The following CABLES1 variants were observed in gnomAD, a reference collection of about 807,000 sequenced individuals.
CABLES1 encodes CDK5 and ABL1 enzyme substrate 1.
CABLES1 carries 36 observed loss-of-function variants against 57.8 expected under a neutral mutation model. The ratio of observed to expected loss-of-function variants is 0.62; its 90% confidence interval spans 0.48 to 0.82. The LOEUF (loss-of-function observed/expected upper bound fraction) is 0.82. CABLES1 is among the 40% of genes least tolerant of loss of function. The pLI is 0.00. For missense variants in CABLES1, 767 were observed against 836.6 expected (o/e 0.92, Z 1.03); for synonymous variants, 374 against 363.0 (o/e 1.03, Z -0.35).
At chr18:23,210,838 C>A (rs997308145) in intron 3 of CABLES1, among the ~76,000 whole-genome samples, 2 of 152,022 alleles carry the variant, frequency 1.3e-5, no homozygotes, top group Non-Finnish European at 2.9e-5. Flanking sequence ...TCCTCTGGCC[C>A]CTGCAGAAAC....
At chr18:23,232,041 A>T (rs1347599110) in intron 4 of CABLES1, among the ~76,000 whole-genome samples, 1 of 152,218 alleles carries the variant, frequency 6.6e-6, no homozygotes, top group African/African-American at 2.4e-5. Flanking sequence ...GAGCCACACT[A>T]GCTCAGCTCA....
intron 2 of CABLES1, chr18:23,190,467 G>A (rs1363177547): frequency 6.6e-6 from 1 of 152,248 alleles, no homozygotes; most frequent in Non-Finnish European, 1.5e-5. Flanking sequence ...AGGCAGGGCT[G>A]TTGAGCCTCG....
intron 7 of CABLES1, among the ~76,000 whole-genome samples, chr18:23,252,378 T>A (rs1024222545): frequency 3.3e-5 from 5 of 152,202 alleles, no homozygotes; most frequent in African/African-American, 1.2e-4. Flanking sequence ...GTATGTGATG[T>A]GTATTTTACC....
At position 23,228,746 on chromosome 18, in the gene CABLES1, T is replaced by TAA. The variant is rs572362933; in HGVS notation, c.1089-5844_1089-5843dup. ...CCAGTTTTAAATGTCAGCCTTTGTT[T>TAA]AAAAAAAAAAAAAAAAAAAGTATAT... On this transcript the variant is annotated intron_variant, in intron 4 of 9. Transcript: ENST00000256925. 5.8e-3 allele frequency among the ~76,000 whole-genome samples: 726 copies of TAA among 125,696 alleles called. 6 individuals carry two copies. The highest frequency in any genetic ancestry group is 0.019 in the African/African-American group (609 of 32,892). The allele number at this position is 125,696 out of a possible 152,430, so 82.5% of individuals were successfully genotyped here. A position where few individuals can be genotyped will look rare whatever the true frequency, so the allele number is the denominator to read the frequency against.
intron 3 of CABLES1, 54 bp from the exon 4 acceptor site, chr18:23,213,923 T>C: frequency 7.8e-7 from 1 of 1,280,566 alleles, no homozygotes; most frequent in African/African-American, 1.5e-5. Context: ...TGTTTTTTAG[T>C]TTGATTCTTT....
At chr18:23,224,730 G>A (rs1159559859) in intron 4 of CABLES1, among the ~76,000 whole-genome samples, 3 of 151,508 alleles carry the variant, frequency 2.0e-5, no homozygotes, top group African/African-American at 4.9e-5. Context: ...CACTACACCC[G>A]GCTAATTTTT....
intron 2 of CABLES1, among the ~76,000 whole-genome samples, chr18:23,190,787 A>T (rs895028630): frequency 6.6e-6 from 1 of 152,160 alleles, no homozygotes; most frequent in Non-Finnish European, 1.5e-5. Flanking sequence ...GATTTAAAAA[A>T]GTTCTCAGCC....
At chr18:23,217,885 G>C (rs2047453717) in intron 4 of CABLES1, among the ~76,000 whole-genome samples, 1 of 152,260 alleles carries the variant, frequency 6.6e-6, no homozygotes, top group Admixed American at 6.5e-5. Flanking sequence ...CTGAGGCACA[G>C]TGGGGCGAAG....
At chr18:23,137,787 G>A (rs545937777) in intron 1 of CABLES1, among the ~76,000 whole-genome samples, 1 of 152,318 alleles carries the variant, frequency 6.6e-6, no homozygotes, top group Admixed American at 6.5e-5. Context: ...AAATCATGAG[G>A]GTGCTAGTTA....
At chr18:23,185,591 CA>C (rs2047197157) in intron 1 of CABLES1, among the ~76,000 whole-genome samples, 1 of 152,136 alleles carries the variant, frequency 6.6e-6, no homozygotes, top group Non-Finnish European at 1.5e-5. Context: ...AGAGCCCACC[CA>C]GGGCCTCCCC....
chr18:23,138,664 T>C (rs948683174), intron 1 of CABLES1, among the ~76,000 whole-genome samples: 1 of 152,238 alleles, frequency 6.6e-6, no homozygotes, highest in African/African-American at 2.4e-5. Flanking sequence ...CTAGTTGAAG[T>C]GTGCTGAGAG....
intron 9 of CABLES1, among the ~76,000 whole-genome samples, chr18:23,255,986 T>C (rs1211294046): frequency 6.6e-6 from 1 of 152,224 alleles, no homozygotes; most frequent in African/African-American, 2.4e-5. Flanking sequence ...GGTGCCTCTA[T>C]CACCTGAACT....
rs1406428589 is a variant in CABLES1, at chr18:23,258,052, A to C, written c.*685A>C. On this transcript the variant is annotated 3_prime_UTR_variant, in exon 10 of 10. Coordinates refer to ENST00000256925, the MANE Select transcript of CABLES1 (RefSeq NM_001100619.3). ...GGTACCAGACAGTTTGACATCCTCC[A>C]CCCTTAGAAAATGACTGACATTGTT... The C allele has an allele frequency of 6.6e-6, 1 of 152,070 alleles. No individual in the cohort carries two copies. Among genetic ancestry groups the C allele is most frequent in the East Asian group, 1.9e-4 (1 of 5,174 alleles). 9.4% of individuals were successfully genotyped at this position (152,070 alleles called of 1,614,324 possible).
intron 4 of CABLES1, among the ~76,000 whole-genome samples, chr18:23,231,363 C>T (rs888589404): frequency 1.3e-5 from 2 of 152,198 alleles, no homozygotes; most frequent in African/African-American, 4.8e-5. Context: ...ACGTAACCAT[C>T]GTATGGAACA....
chr18:23,243,743 G>A (rs1009423041), intron 7 of CABLES1, among the ~76,000 whole-genome samples: 1 of 151,674 alleles, frequency 6.6e-6, no homozygotes, highest in African/African-American at 2.4e-5. Context: ...GTGGTGGCAG[G>A]TGCCTGTAAT....
At chr18:23,214,208 ACTTT>A (rs758930339) in intron 4 of CABLES1, 154 bp downstream of exon 4, 2 of 575,462 alleles carry the variant, frequency 3.5e-6, no homozygotes, top group Non-Finnish European at 6.1e-6. Context: ...AAGATGTTCC[ACTTT>A]CTTTTCAGCC....
At chr18:23,188,171 A>G (rs536005444) in intron 1 of CABLES1, among the ~76,000 whole-genome samples, 2 of 152,338 alleles carry the variant, frequency 1.3e-5, no homozygotes, top group East Asian at 3.9e-4. Context: ...TCAGCCTAGC[A>G]AAAGAAACTG....
chr18:23,177,109 C>T (rs988926084), intron 1 of CABLES1, among the ~76,000 whole-genome samples: 2 of 152,064 alleles, frequency 1.3e-5, no homozygotes, highest in African/African-American at 2.4e-5. Context: ...GTCTTGTGTT[C>T]GAAGGAAAAA....
intron 4 of CABLES1, among the ~76,000 whole-genome samples, chr18:23,228,746 TA>T (rs572362933): frequency 0.048 from 6,067 of 125,692 alleles, 239 homozygotes; most frequent in East Asian, 0.13. Context: ...AGCCTTTGTT[TA>T]AAAAAAAAAA....
Sources: allele counts gnomAD v4.1 joint callset (sites outside exome capture counted in the v4.1 genomes callset), GRCh38; gene constraint gnomAD v4.1.1; transcripts MANE v1.5; gene names NCBI Gene and HGNC (gene_info 2026-07-23, HGNC 2026-07-21).